The following NAALADL2 variants were observed in gnomAD, a reference collection of about 807,000 sequenced individuals.
NAALADL2 encodes inactive N-acetylated-alpha-linked acidic dipeptidase-like protein 2.
NAALADL2 carries 76 observed loss-of-function variants against 87.2 expected under a neutral mutation model. The ratio of observed to expected loss-of-function variants is 0.87; its 90% CI spans 0.72 to 1.05. The LOEUF (loss-of-function observed/expected upper bound fraction) is 1.05. Among genes scored for constraint, NAALADL2 ranks in the 50% least tolerant of loss-of-function variants. NAALADL2 has a pLI of 0.00. For synonymous variants in NAALADL2, 354 were observed against 331.0 expected (o/e 1.07, Z -0.75); for missense variants, 1,089 against 945.8 (o/e 1.15, Z -1.99).
At chr3:174,614,802 GT>G (rs538378769) in intron 2 of NAALADL2, among the ~76,000 whole-genome samples, 2 of 152,046 alleles carry the variant, frequency 1.3e-5, no homozygotes, top group African/African-American at 4.8e-5. Context: ...TTTTGTTGTT[GT>G]TTTTTTAGAA....
chr3:175,115,473 ACT>A (rs1239633549), intron 2 of NAALADL2, among the ~76,000 whole-genome samples: 1 of 139,774 alleles, frequency 7.2e-6, no homozygotes, highest in Non-Finnish European at 1.5e-5. Context: ...CACATGTAAA[ACT>A]CTGAGTATTT....
At chr3:174,665,567 T>A (rs508110) in intron 2 of NAALADL2, among the ~76,000 whole-genome samples, 123,871 of 152,150 alleles carry the variant, frequency 0.81, 50,819 homozygotes, top group African/African-American at 0.91. Context: ...GTTCAGAATA[T>A]CACTGCAAGT....
At chr3:175,393,041 G>A (rs953854500) in intron 5 of NAALADL2, among the ~76,000 whole-genome samples, 6 of 151,922 alleles carry the variant, frequency 3.9e-5, no homozygotes, top group Admixed American at 6.6e-5. Context: ...TTGGGAGGCC[G>A]AGGCGGGTGG....
At chr3:174,542,204 G>A (rs979918705) in intron 1 of NAALADL2, among the ~76,000 whole-genome samples, 3 of 152,046 alleles carry the variant, frequency 2.0e-5, no homozygotes, top group African/African-American at 7.2e-5. Flanking sequence ...TGCCACTTCT[G>A]GCTGTTTTCT....
intron 9 of NAALADL2, among the ~76,000 whole-genome samples, chr3:175,520,292 T>A (rs1357699696): frequency 1.5e-5 from 2 of 131,970 alleles, no homozygotes; most frequent in Non-Finnish European, 3.2e-5. Flanking sequence ...ATTTTTTTTT[T>A]TTTTTTTTTT....
At chr3:175,096,457 A>G (rs1721164516) in intron 1 of NAALADL2, among the ~76,000 whole-genome samples, 1 of 148,890 alleles carries the variant, frequency 6.7e-6, no homozygotes, top group Non-Finnish European at 1.5e-5. Flanking sequence ...TACATTCATG[A>G]CTGTTGTTAT....
At chr3:175,398,366 T>TTTTC (rs1553884022) in intron 5 of NAALADL2, among the ~76,000 whole-genome samples, 1 of 147,908 alleles carries the variant, frequency 6.8e-6, no homozygotes, top group African/African-American at 2.5e-5. Flanking sequence ...TTTTTTTTTT[T>TTTTC]CCATCCTTTG....
intron 2 of NAALADL2, among the ~76,000 whole-genome samples, chr3:175,230,232 G>A (rs951071823): frequency 2.6e-5 from 4 of 151,934 alleles, no homozygotes; most frequent in Non-Finnish European, 5.9e-5. Context: ...GAAAAAAAAT[G>A]AGAATAACTT....
intron 1 of NAALADL2, among the ~76,000 whole-genome samples, chr3:174,981,229 C>T (rs994295260): frequency 1.3e-5 from 2 of 152,060 alleles, no homozygotes; most frequent in Admixed American, 6.6e-5. Flanking sequence ...ACTCATGAAT[C>T]ATATTATTCT....
At position 174,551,790 on chromosome 3, in the gene NAALADL2, G is replaced by A. The variant is rs531530850; in HGVS notation, c.-115+1153G>A. ...CTAATATTTTCCATTTAATATAACA[G>A]GAAATAGAAAACTGGTTAGCTTTTT... On this transcript the variant is annotated intron_variant, in intron 2 of 3. Transcript: ENST00000434257. Among the ~76,000 whole-genome samples, 10 of 152,256 alleles carry A rather than the reference G, an allele frequency of 6.6e-5. No individual in the cohort carries two copies. In the South Asian group the frequency reaches 2.1e-3, roughly 32 times the overall value.
chr3:174,745,035 G>T (rs532534702), intron 3 of NAALADL2, among the ~76,000 whole-genome samples: 1 of 151,976 alleles, frequency 6.6e-6, no homozygotes, highest in South Asian at 2.1e-4. Flanking sequence ...ACAACTAAAA[G>T]AACTAGAGAA....
intron 5 of NAALADL2, among the ~76,000 whole-genome samples, chr3:175,439,731 C>CTTTTTTTTTTTTTTTTTGTTTTTTTTTTT (rs535237866): frequency 1.8e-5 from 2 of 113,786 alleles, no homozygotes; most frequent in Non-Finnish European, 3.6e-5. Flanking sequence ...GTTTTTTTTT[C>CTTTTTTTTTTTTTTTTTGTTTTTTTTTTT]TTTTTTTTCT....
At chr3:175,551,624 G>A (rs1714374673) in intron 9 of NAALADL2, among the ~76,000 whole-genome samples, 1 of 152,158 alleles carries the variant, frequency 6.6e-6, no homozygotes, top group South Asian at 2.1e-4. Flanking sequence ...GAGGGGCCGG[G>A]CGCGGTGACT....
chr3:175,733,009 A>G (rs1743990178), intron 11 of NAALADL2, among the ~76,000 whole-genome samples: 1 of 152,134 alleles, frequency 6.6e-6, no homozygotes, highest in Non-Finnish European at 1.5e-5. Flanking sequence ...ACCATCATCT[A>G]CATTTACCTA....
intron 2 of NAALADL2, among the ~76,000 whole-genome samples, chr3:175,135,856 C>G (rs1419286869): frequency 1.3e-5 from 2 of 152,094 alleles, no homozygotes; most frequent in Non-Finnish European, 2.9e-5. Flanking sequence ...TTTTAGGAAC[C>G]AGACAGAATA....
intron 1 of NAALADL2, among the ~76,000 whole-genome samples, chr3:174,509,568 ATTTTTTTTTTTTTTT>A (rs145219498): frequency 1.1e-4 from 9 of 80,124 alleles, no homozygotes; most frequent in East Asian, 8.2e-4. Flanking sequence ...CACCCAGCTA[ATTTTTTTTTTTTTTT>A]TTTTTTTTTT....
chr3:175,346,926 G>A (rs577208831), intron 5 of NAALADL2, among the ~76,000 whole-genome samples: 21 of 152,268 alleles, frequency 1.4e-4, no homozygotes, highest in African/African-American at 5.1e-4. Flanking sequence ...ATCATTTATT[G>A]AGCATCTAAG....
chr3:174,778,702 C>T (rs1480274352), intron 3 of NAALADL2, among the ~76,000 whole-genome samples: 1 of 152,060 alleles, frequency 6.6e-6, no homozygotes, highest in Non-Finnish European at 1.5e-5. Context: ...TTGTTCAACT[C>T]CTACTTCTGA....
At chr3:175,296,271 T>C (rs1362902751) in intron 4 of NAALADL2, among the ~76,000 whole-genome samples, 1 of 152,132 alleles carries the variant, frequency 6.6e-6, no homozygotes, top group Non-Finnish European at 1.5e-5. Context: ...ACATCTTGCA[T>C]TGGTTGCGAT....
Sources: gnomAD v4.1 joint callset for allele counts (sites outside exome capture counted in the v4.1 genomes callset) on GRCh38, gnomAD v4.1.1 for gene constraint, MANE v1.5 for transcripts, NCBI Gene and HGNC (gene_info 2026-07-23, HGNC 2026-07-21) for gene names.